The following IRGQ variants were observed in gnomAD, a reference collection of about 807,000 sequenced individuals.
IRGQ encodes the protein immunity related GTPase Q.
In IRGQ, 5 loss-of-function variants were observed where a neutral mutation model predicts 10.5. That is an observed-to-expected ratio of 0.48 (90% CI 0.25 to 1.00). The LOEUF is 1.00. Ranked by LOEUF, IRGQ falls within the 50% of genes least tolerant of loss-of-function variation. IRGQ has a pLI of 0.16. For missense variants in IRGQ, 792 were observed against 877.7 expected (o/e 0.90, Z 1.23); for synonymous variants, 418 against 426.0 (o/e 0.98, Z 0.23).
Position 43,592,007 on chromosome 19 carries a change from C to G in IRGQ, c.*19G>C. The G allele has an allele frequency of 1.3e-6, 2 of 1,562,730 alleles. No homozygotes were observed. The highest frequency in any genetic ancestry group is 1.7e-6 in the Non-Finnish European group (2 of 1,151,252). On this transcript the variant is annotated 3_prime_UTR_variant, in exon 3 of 3. Transcript: ENST00000422989. ...GCATCCCCTGTCAGAGTCTGGACTC[C>G]CAAGCCCCCTCCCACTCCTCACTGG...
chr19:43,592,648 T>A lies in IRGQ; in HGVS notation c.1250A>T (p.Glu417Val). ...CTCCAGCACCTCCCACGTCTCGTCC[T>A]CCGGGCTTAACGCAGCGGCCCGCTC... The part of the protein sequence containing the change: ...DSERAAALSP[E>V]DETWEVLEEA... The change falls in exon 3 of 3, where the codon GAG (glutamate) becomes GTG (valine). Residue 417 changes from glutamate (E) to valine (V), a missense_variant. Transcript: ENST00000422989. 2 of 1,604,804 alleles carry A rather than the reference T, an allele frequency of 1.2e-6. No homozygotes were observed. Among genetic ancestry groups the A allele is most frequent in the Non-Finnish European group, 1.7e-6 (2 of 1,179,946 alleles).
chr19:43,592,356 C>G lies in IRGQ; in HGVS notation c.1542G>C (p.Ala514=), dbSNP rs761746160. 83 of 1,574,732 alleles carry G rather than the reference C, an allele frequency of 5.3e-5. No individual in the cohort carries two copies. In the African/African-American group the frequency reaches 1.0e-3, roughly 20 times the overall value. Residue 514 remains alanine (A), a synonymous_variant, in exon 3 of 3, where the codon GCG becomes GCC. Transcript: ENST00000422989. The part of the protein sequence containing the change: ...CDVALLRGQL[A]EWRRGLGLEP... ...CCAGCCCCAGGCCCCGTCGCCACTC[C>G]GCCAGCTGACCCCGCAGAAGTGCCA...
At position 43,591,894 on chromosome 19, in the gene IRGQ, C is replaced by A; in HGVS notation, c.*132G>T. On this transcript the variant is annotated 3_prime_UTR_variant, in exon 3 of 3. Coordinates refer to ENST00000422989, the MANE Select transcript of IRGQ (RefSeq NM_001007561.3). ...AAAATCAGGATTCCTGTCCCCCAGA[C>A]TCTCTGAATCCAGGTGATAAGAAGT... The A allele has an allele frequency of 3.9e-6, 3 of 766,016 alleles. No individual in the cohort carries two copies. The highest frequency in any genetic ancestry group is 6.0e-6 in the Non-Finnish European group (3 of 496,078). 47.5% of individuals were successfully genotyped at this position (766,016 alleles called of 1,614,324 possible).
Position 43,585,187 on chromosome 19 carries a change from G to GTGGT in IRGQ, c.*6835_*6838dup, listed in dbSNP as rs1972979975. The GTGGT allele has an allele frequency of 6.6e-6, 1 of 151,914 alleles. No individual in the cohort carries two copies. The highest frequency in any genetic ancestry group is 2.1e-4 in the South Asian group (1 of 4,828). The allele number at this position is 151,914 out of a possible 1,614,324, so 9.4% of individuals were successfully genotyped here. A position where few individuals can be genotyped will look rare whatever the true frequency, so the allele number is the denominator to read the frequency against. On this transcript the variant is annotated 3_prime_UTR_variant, in exon 3 of 3. Transcript: ENST00000422989. ...GCCAGCCCGGGGTTTGGATGTGGCA[G>GTGGT]TGGTGGTAGGGGTCCCAAGGGGAGC...
Position 43,585,709 on chromosome 19 carries a change from C to T in IRGQ, c.*6317G>A, listed in dbSNP as rs973139743. 13 of 152,082 alleles carry T rather than the reference C, an allele frequency of 8.5e-5. No homozygotes were observed. Among genetic ancestry groups the T allele is most frequent in the East Asian group, 7.7e-4 (4 of 5,194 alleles). The allele number at this position is 152,082 out of a possible 1,614,324, so 9.4% of individuals were successfully genotyped here. A position where few individuals can be genotyped will look rare whatever the true frequency, so the allele number is the denominator to read the frequency against. On this transcript the variant is annotated 3_prime_UTR_variant, in exon 3 of 3. Transcript: ENST00000422989. The stretch of plus-strand genomic sequence containing the variant: ...GGTATACCTGGCTCCAGAACTAAGG[C>T]GCTTTACCATCATAAGCTCCCAATG...
rs1004775689 is a variant in IRGQ, at chr19:43,593,548, T to C, written c.531-181A>G. ...CAGATAGGGAGAGGCAGTGATGATA[T>C]GGGTGGGGCTTCAAGCAATAATGGA... On this transcript the variant is annotated intron_variant, in intron 2 of 2. Coordinates refer to ENST00000422989, the MANE Select transcript of IRGQ (RefSeq NM_001007561.3). This position sits in a 1 kb window ranked among gnomAD's most constrained non-coding sequence, Gnocchi z 6.4. Among the ~76,000 whole-genome samples the C allele has an allele frequency of 1.3e-5, 2 of 152,102 alleles. No homozygotes were observed. The highest frequency in any genetic ancestry group is 6.5e-5 in the Admixed American group (1 of 15,274).
Position 43,594,801 on chromosome 19 carries a change from G to C in IRGQ, c.530+8C>G, listed in dbSNP as rs898051939. 1.9e-6 allele frequency: 3 copies of C among 1,590,750 alleles called. No homozygotes were observed. Among genetic ancestry groups the C allele is most frequent in the African/African-American group, 2.7e-5 (2 of 74,466 alleles). ...ACTAACGGACCCAGCCAGAAAGCCG[G>C]CACTCACCTCCGCAGCGCTTCTGCC... On this transcript the variant is annotated splice_region_variant and intron_variant, in intron 2 of 2. Transcript: ENST00000422989.
At position 43,595,150 on chromosome 19, in the gene IRGQ, G is replaced by A; in HGVS notation, c.189C>T (p.Cys63=). The A allele has an allele frequency of 1.2e-6, 2 of 1,604,692 alleles. No individual in the cohort carries two copies. The highest frequency in any genetic ancestry group is 1.1e-5 in the South Asian group (1 of 90,358). The change falls in exon 2 of 3, where the codon TGC becomes TGT. Residue 63 remains cysteine (C), a synonymous_variant. Transcript: ENST00000422989. The part of the protein sequence containing the change: ...GPGLFLGELS[C]PPAAPGPWAA... ...CCCAGGGCCCCGGCGCTGCGGGTGG[G>A]CAGCTCAGCTCGCCCAGAAAAAGGC...
intron 2 of IRGQ, 117 bp downstream of exon 2, chr19:43,594,692 T>A (rs1359354915): frequency 4.0e-6 from 3 of 743,592 alleles, no homozygotes; most frequent in East Asian, 2.9e-5. Flanking sequence ...AAAATAATAA[T>A]AATAGAGCTA....
rs772862113 is a variant in IRGQ, at chr19:43,592,062, A to T, written c.1836T>A (p.Ala612=). The change falls in exon 3 of 3, where the codon GCT becomes GCA. Residue 612 remains alanine, a synonymous_variant. Coordinates refer to ENST00000422989, the MANE Select transcript of IRGQ (RefSeq NM_001007561.3). ...GCTCAGGGGGTGCCAGCACAGCCTC[A>T]GCATCAGCCCGCATCTCATCGAGAG... The part of the protein sequence containing the change: ...LQALDEMRAD[A]EAVLAPPEPA... The T allele has an allele frequency of 3.7e-6, 6 of 1,610,702 alleles. No homozygotes were observed. Among genetic ancestry groups the T allele is most frequent in the Non-Finnish European group, 4.2e-6 (5 of 1,178,438 alleles).
Position 43,588,141 on chromosome 19 carries a change from C to G in IRGQ, c.*3885G>C, listed in dbSNP as rs1600072353. On this transcript the variant is annotated 3_prime_UTR_variant, in exon 3 of 3. Coordinates refer to ENST00000422989, the MANE Select transcript of IRGQ (RefSeq NM_001007561.3). ...TGAAACCCCATCTCTACTAAAAATA[C>G]AAAAATTAGGACGGGTGCAGTGGCT... 1 of 151,946 alleles carries G rather than the reference C, an allele frequency of 6.6e-6. No homozygotes were observed. The highest frequency in any genetic ancestry group is 1.9e-4 in the East Asian group (1 of 5,150). The allele number at this position is 151,946 out of a possible 1,614,324, so 9.4% of individuals were successfully genotyped here.
chr19:43,596,092 G>C lies in IRGQ; in HGVS notation c.-113C>G, dbSNP rs189872963. On this transcript the variant is annotated 5_prime_UTR_variant, in exon 1 of 3. Coordinates refer to ENST00000422989, the MANE Select transcript of IRGQ (RefSeq NM_001007561.3). ...ACGGAGGCCGAAGAGGCCAGGGAGC[G>C]GTGATTTAGAGATGCCGGGACCCGT... is the stretch of plus-strand genomic sequence containing the variant. 1.3e-5 allele frequency: 2 copies of C among 152,318 alleles called. No individual in the cohort carries two copies. The highest frequency in any genetic ancestry group is 4.8e-5 in the African/African-American group (2 of 41,592). The allele number at this position is 152,318 out of a possible 1,614,324, so 9.4% of individuals were successfully genotyped here. A position where few individuals can be genotyped will look rare whatever the true frequency, so the allele number is the denominator to read the frequency against.
At position 43,592,939 on chromosome 19, in the gene IRGQ, A is replaced by G; in HGVS notation, c.959T>C (p.Leu320Pro). 6.2e-7 allele frequency: 1 copy of G among 1,610,978 alleles called. No homozygotes were observed. Reference sequence around the variant, plus strand: ...GCAGACAAGAGGCGCATCTGGTAGCAGCAAGGCCTGGACCTGGGCCCAGTC... The same window carrying G: ...GCAGACAAGAGGCGCATCTGGTAGCGGCAAGGCCTGGACCTGGGCCCAGTC... ...EKDWAQVQAL[L>P]LPDAPLVCVR... Residue 320 changes from leucine to proline, a missense_variant, in exon 3 of 3, where the codon CTG (leucine) becomes CCG (proline). Leu to Pro is a moderately conservative substitution (Grantham distance 98, BLOSUM62 -3). Coordinates refer to ENST00000422989, the MANE Select transcript of IRGQ (RefSeq NM_001007561.3).
rs191041833 is a variant in IRGQ, at chr19:43,584,462, C to T, written c.*7564G>A. On this transcript the variant is annotated 3_prime_UTR_variant, in exon 3 of 3. Transcript: ENST00000422989. The stretch of plus-strand genomic sequence containing the variant: ...CAGGAGACATCAGAGGCTCAGAAGG[C>T]TGTCACATTGGCAGTCACACAGCTA... The T allele has an allele frequency of 2.0e-5, 3 of 152,306 alleles. No individual in the cohort carries two copies. The highest frequency in any genetic ancestry group is 2.9e-5 in the Non-Finnish European group (2 of 68,040). 9.4% of individuals were successfully genotyped at this position (152,306 alleles called of 1,614,324 possible).
Position 43,589,286 on chromosome 19 carries a change from A to T in IRGQ, c.*2740T>A, listed in dbSNP as rs904653790. On this transcript the variant is annotated 3_prime_UTR_variant, in exon 3 of 3. Transcript: ENST00000422989. ...CAAGAGATTAACAATCTAAATTCCA[A>T]TCCTAGTTCTGACACTGACCAATGA... The T allele has an allele frequency of 6.6e-6, 1 of 152,120 alleles. No individual in the cohort carries two copies. Among genetic ancestry groups the T allele is most frequent in the Non-Finnish European group, 1.5e-5 (1 of 68,034 alleles). 9.4% of individuals were successfully genotyped at this position (152,120 alleles called of 1,614,324 possible).
intron 1 of IRGQ, among the ~76,000 whole-genome samples, chr19:43,595,775 G>A (rs1289178021): frequency 1.3e-5 from 2 of 152,128 alleles, no homozygotes; most frequent in East Asian, 3.9e-4. Context: ...CTACTCGGAA[G>A]GCTGCGGCGG....
At position 43,592,902 on chromosome 19, in the gene IRGQ, G is replaced by A. The variant is rs1973080534; in HGVS notation, c.996C>T (p.Asp332=). ...GACACTCCGGATCCTCGCCCTCGCC[G>A]TCTGTGCGCACGCAGACAAGAGGCG... ...PDAPLVCVRT[D]GEGEDPECLG... is the part of the protein sequence containing the mutation. Residue 332 remains aspartate, a synonymous_variant, in exon 3 of 3, where the codon GAC becomes GAT. Transcript: ENST00000422989. 1.2e-6 allele frequency: 2 copies of A among 1,612,786 alleles called. No individual in the cohort carries two copies. The highest frequency in any genetic ancestry group is 1.7e-6 in the Non-Finnish European group (2 of 1,180,018).
Position 43,595,065 on chromosome 19 carries a change from A to ACGGTTCC in IRGQ, c.267_273dup (p.Leu92GlyfsTer40). ...GCTGCCTCTCCCAGGGCTGGAGCCA[A>ACGGTTCC]CGGTTCCCCGTTCCCCTCGGGTCCG... On this transcript the variant is annotated frameshift_variant, in exon 2 of 3. Coordinates refer to ENST00000422989, the MANE Select transcript of IRGQ (RefSeq NM_001007561.3). LOFTEE classifies it high-confidence loss of function. 1 of 1,612,866 alleles carries ACGGTTCC rather than the reference A, an allele frequency of 6.2e-7. No homozygotes were observed. Among genetic ancestry groups the ACGGTTCC allele is most frequent in the African/African-American group, 1.3e-5 (1 of 75,048 alleles).
Position 43,592,679 on chromosome 19 carries a change from C to T in IRGQ, c.1219G>A (p.Asp407Asn), listed in dbSNP as rs1973076572. The T allele has an allele frequency of 5.0e-6, 8 of 1,607,194 alleles. No individual in the cohort carries two copies. Among genetic ancestry groups the T allele is most frequent in the African/African-American group, 1.3e-5 (1 of 74,936 alleles). ...VVGMKKSGGG[D>N]SERAAALSPE... ...CTTAACGCAGCGGCCCGCTCTGAGT[C>T]GCCACCACCTGATTTCTTCATGCCG... Residue 407 changes from aspartate (D) to asparagine (N), a missense_variant, in exon 3 of 3, where the codon GAC becomes AAC. Asp to Asn is a conservative substitution (Grantham distance 23). Transcript: ENST00000422989.
Sources: allele counts gnomAD v4.1 joint callset (sites outside exome capture counted in the v4.1 genomes callset), GRCh38; gene constraint gnomAD v4.1.1; non-coding constraint Gnocchi (gnomAD v3.1); transcripts MANE v1.5; gene names NCBI Gene and HGNC (gene_info 2026-07-23, HGNC 2026-07-21).